Variants in MOSPD1 observed in about 807,000 individuals in gnomAD.
MOSPD1 encodes motile sperm domain-containing protein 1.
In MOSPD1, 5 loss-of-function variants were observed where a neutral mutation model predicts 16.7. The ratio of observed to expected loss-of-function variants is 0.30; its 90% CI spans 0.16 to 0.63. The LOEUF is 0.63. MOSPD1 is among the 30% of genes least tolerant of loss of function. The probability of loss-of-function intolerance (pLI) is 0.82; values close to 1 mark genes in which losing one functional copy is unlikely to be tolerated. For missense variants in MOSPD1, 104 were observed against 153.6 expected (o/e 0.68, Z 1.71); for synonymous variants, 67 against 59.2 (o/e 1.13, Z -0.61).
chrX:134,914,651 CAA>C (rs2082989204), intron 1 of MOSPD1, among the ~76,000 whole-genome samples: 2 of 112,252 alleles, frequency 1.8e-5, no homozygotes. Context: ...TCCCTCCAGG[CAA>C]AGAGAGTAAA....
intron 1 of MOSPD1, among the ~76,000 whole-genome samples, chrX:134,914,445 C>G (rs2082988148): frequency 9.0e-6 from 1 of 111,310 alleles, no homozygotes; most frequent in Non-Finnish European, 1.9e-5. Context: ...TCCCAGCCCA[C>G]GTCCCCACAC....
In MOSPD1 at chrX:134,887,684, T is replaced by G. The variant is rs2082840928; in HGVS notation, c.*1477A>C. The G allele has an allele frequency of 8.8e-6, 1 of 113,554 alleles. No individual in the cohort carries two copies. The highest frequency in any genetic ancestry group is 1.9e-5 in the Non-Finnish European group (1 of 53,429). The allele number at this position is 113,554 out of a possible 1,213,427, so 9.4% of individuals were successfully genotyped here. On this transcript the variant is annotated 3_prime_UTR_variant, in exon 6 of 6. Transcript: ENST00000370783. ...AAAGTAATTTCTGTTCTTTACAATG[T>G]GTTATTACACACACACATGTGCACT...
At chrX:134,909,256 G>T (rs918702865) in intron 1 of MOSPD1, among the ~76,000 whole-genome samples, 1 of 107,546 alleles carries the variant, frequency 9.3e-6, no homozygotes, top group African/African-American at 3.3e-5. Context: ...GGCGACAGGC[G>T]AGACTCCTCA....
At chrX:134,897,443 G>T (rs187334443) in intron 3 of MOSPD1, among the ~76,000 whole-genome samples, 2 of 106,396 alleles carry the variant, frequency 1.9e-5, no homozygotes, top group East Asian at 5.9e-4. Flanking sequence ...TGTAGTCCTA[G>T]CTACTTGGGA....
intron 5 of MOSPD1, among the ~76,000 whole-genome samples, chrX:134,890,997 G>T (rs2082860764): frequency 1.8e-5 from 2 of 111,519 alleles, no homozygotes; most frequent in South Asian, 7.6e-4. Flanking sequence ...TTCAAGCCAG[G>T]ATGACTGAAA....
At chrX:134,910,779 G>A (rs763143615) in intron 1 of MOSPD1, among the ~76,000 whole-genome samples, 1 of 111,930 alleles carries the variant, frequency 8.9e-6, no homozygotes, top group Non-Finnish European at 1.9e-5. Context: ...GGCAAGTTTC[G>A]GCTAGAAAGG....
intron 4 of MOSPD1, among the ~76,000 whole-genome samples, 188 bp downstream of exon 4, chrX:134,896,629 T>C (rs185435904): frequency 8.9e-6 from 1 of 111,934 alleles, no homozygotes; most frequent in African/African-American, 3.2e-5. Flanking sequence ...TATTCCCTCC[T>C]CTCAAAGTCC....
intron 4 of MOSPD1, among the ~76,000 whole-genome samples, chrX:134,894,004 A>G (rs1474998922): frequency 8.9e-6 from 1 of 111,971 alleles, no homozygotes; most frequent in Non-Finnish European, 1.9e-5. Flanking sequence ...ATCTTTTAAA[A>G]TGGCTTTTTA....
At chrX:134,899,648 G>A in intron 1 of MOSPD1, 114 bp from the exon 2 acceptor site, 1 of 311,166 alleles carries the variant, frequency 3.2e-6, no homozygotes, top group Non-Finnish European at 5.5e-6. Flanking sequence ...CCCTGAATCG[G>A]CCAGGTGCAG....
intron 3 of MOSPD1, among the ~76,000 whole-genome samples, chrX:134,898,026 G>A (rs970321404): frequency 2.7e-5 from 3 of 109,548 alleles, no homozygotes; most frequent in South Asian, 4.0e-4. Flanking sequence ...CTGTCACCAC[G>A]CCCAGCTATT....
At chrX:134,896,693 G>A (rs2082886198) in intron 4 of MOSPD1, 124 bp downstream of exon 4, 1 of 518,096 alleles carries the variant, frequency 1.9e-6, no homozygotes, top group Admixed American at 3.9e-5. Flanking sequence ...GTGCAGTTTT[G>A]AAGTAGTTGA....
At chrX:134,898,923 G>A (rs1167771820) in intron 3 of MOSPD1, 167 bp downstream of exon 3, 4 of 426,859 alleles carry the variant, frequency 9.4e-6, no homozygotes, top group Non-Finnish European at 1.6e-5. Flanking sequence ...TAAGTATTTG[G>A]CCGAATCTCT....
Sources: gnomAD v4.1 joint callset for allele counts (sites outside exome capture counted in the v4.1 genomes callset) on GRCh38, gnomAD v4.1.1 for gene constraint, MANE v1.5 for transcripts, NCBI Gene and HGNC (gene_info 2026-07-23, HGNC 2026-07-21) for gene names.